The following TAS2R1 variants were observed in gnomAD, a reference collection of about 807,000 sequenced individuals.
The protein encoded by TAS2R1 is taste receptor type 2 member 1.
For missense variants in TAS2R1, 370 were observed against 353.4 expected, an observed-to-expected ratio of 1.05 and a Z score of -0.38; for synonymous variants, 141 against 134.2, an observed-to-expected ratio of 1.05 and a Z score of -0.35.
chr5:9,676,999 T>G lies in TAS2R1; in HGVS notation c.-241-17418A>C, dbSNP rs376343414. On this transcript the variant is annotated intron_variant, in intron 1 of 2. Coordinates refer to the TAS2R1 transcript ENST00000506620. ...TATTCATAATAGCAATCACATGGAA[T>G]CAACCTAAATGCCTATCAGTGATAG... 2.0e-5 allele frequency among the ~76,000 whole-genome samples: 3 copies of G among 152,146 alleles called. No individual in the cohort carries two copies. The East Asian group carries it at 5.8e-4, about 29-fold the overall frequency.
the TAS2R1 span, among the ~76,000 whole-genome samples, chr5:9,901,131 G>T: frequency 1.3e-5 from 2 of 151,954 alleles, no homozygotes; most frequent in African/African-American, 4.8e-5. Flanking sequence ...CACAGAGAAG[G>T]GTAGGCATCT....
the TAS2R1 span, among the ~76,000 whole-genome samples, chr5:9,832,014 C>A: frequency 6.6e-6 from 1 of 152,166 alleles, no homozygotes; most frequent in Admixed American, 6.5e-5. Context: ...TAGAAAAAGC[C>A]AACTAGCACC....
At chr5:9,747,320 C>T in the TAS2R1 span, among the ~76,000 whole-genome samples, 1 of 152,218 alleles carries the variant, frequency 6.6e-6, no homozygotes, top group East Asian at 1.9e-4. Flanking sequence ...TATACAGGAA[C>T]ACATGAGTGG....
intron 1 of TAS2R1, among the ~76,000 whole-genome samples, chr5:9,695,380 T>G (rs561343970): frequency 6.6e-6 from 1 of 152,138 alleles, no homozygotes; most frequent in Non-Finnish European, 1.5e-5. Flanking sequence ...ACATTTCTAT[T>G]TTTGGCCTGT....
chr5:9,649,666 C>A (rs1352545778), intron 2 of TAS2R1, among the ~76,000 whole-genome samples: 2 of 152,170 alleles, frequency 1.3e-5, no homozygotes, highest in Non-Finnish European at 2.9e-5. Context: ...GCAAATTGTT[C>A]TGGACCATGC....
At chr5:9,734,759 T>C in the TAS2R1 span, among the ~76,000 whole-genome samples, 2 of 151,986 alleles carry the variant, frequency 1.3e-5, no homozygotes, top group African/African-American at 4.8e-5. Flanking sequence ...CAGGCCACCT[T>C]ACTCCACAGG....
the TAS2R1 span, among the ~76,000 whole-genome samples, chr5:9,796,951 C>T: frequency 0.022 from 3,343 of 152,190 alleles, 46 homozygotes; most frequent in Non-Finnish European, 0.032. Flanking sequence ...TGTCCTTAGT[C>T]GGCAGACATT....
chr5:9,707,287 C>T (rs894577476), intron 1 of TAS2R1, among the ~76,000 whole-genome samples: 19 of 152,122 alleles, frequency 1.2e-4, no homozygotes, highest in African/African-American at 4.6e-4. Flanking sequence ...CCCAACTCCC[C>T]AGCACACCTC....
the TAS2R1 span, among the ~76,000 whole-genome samples, chr5:9,844,610 C>T: frequency 6.6e-6 from 1 of 152,162 alleles, no homozygotes; most frequent in African/African-American, 2.4e-5. Flanking sequence ...TATTTGGTTT[C>T]AGCACATCTC....
the TAS2R1 span, among the ~76,000 whole-genome samples, chr5:9,730,488 G>C: frequency 1.4e-4 from 21 of 152,214 alleles, no homozygotes; most frequent in Non-Finnish European, 2.4e-4. Flanking sequence ...CACCTGTGCA[G>C]GTGCCACACC....
chr5:9,684,668 C>T (rs925075318), intron 1 of TAS2R1, among the ~76,000 whole-genome samples: 6 of 152,084 alleles, frequency 3.9e-5, no homozygotes, highest in South Asian at 2.1e-4. Context: ...GGACTCAGCA[C>T]GCCACCACAC....
At chr5:9,714,559 T>C (rs1734768017), upstream of TAS2R1, among the ~76,000 whole-genome samples, 3 of 152,192 alleles carry the variant, frequency 2.0e-5, no homozygotes, top group African/African-American at 7.2e-5. Flanking sequence ...AGGAGGTCCA[T>C]AAAATTCTCT....
At chr5:9,634,276 T>G (rs533345376), upstream of TAS2R1, among the ~76,000 whole-genome samples, 2 of 152,118 alleles carry the variant, frequency 1.3e-5, no homozygotes, top group East Asian at 3.9e-4. Context: ...TTTCTGGGTT[T>G]GCTTTTTTGT....
chr5:9,882,345 T>G, the TAS2R1 span, among the ~76,000 whole-genome samples: 5 of 151,936 alleles, frequency 3.3e-5, no homozygotes, highest in South Asian at 1.0e-3. Context: ...AGTCAAGAAA[T>G]GGCTGGGCGC....
At chr5:9,668,601 T>C (rs2126500850) in intron 1 of TAS2R1, among the ~76,000 whole-genome samples, 2 of 152,292 alleles carry the variant, frequency 1.3e-5, no homozygotes, top group Middle Eastern at 3.4e-3. Flanking sequence ...ATTAGAGGCC[T>C]ACATTCAGCA....
intron 1 of TAS2R1, among the ~76,000 whole-genome samples, chr5:9,661,135 T>G (rs1289956064): frequency 6.6e-6 from 1 of 152,252 alleles, no homozygotes; most frequent in African/African-American, 2.4e-5. Context: ...TCATTTGTTA[T>G]GGCAGCAACA....
the TAS2R1 span, among the ~76,000 whole-genome samples, chr5:9,737,609 C>A: frequency 6.6e-6 from 1 of 152,118 alleles, no homozygotes; most frequent in Admixed American, 6.5e-5. Context: ...AGGTCAGGAA[C>A]AAGGAGAGCG....
intron 1 of TAS2R1, among the ~76,000 whole-genome samples, chr5:9,675,444 G>GTTTTTTTTT: frequency 7.1e-6 from 1 of 140,670 alleles, no homozygotes. Flanking sequence ...TTGAGATGGA[G>GTTTTTTTTT]TCTTGCTTTG....
chr5:9,753,873 T>C, the TAS2R1 span, among the ~76,000 whole-genome samples: 2 of 152,220 alleles, frequency 1.3e-5, no homozygotes, highest in East Asian at 1.9e-4. Flanking sequence ...TGCGGCATTA[T>C]TTCTGAGGGC....
Sources: gnomAD v4.1 joint callset for allele counts (sites outside exome capture counted in the v4.1 genomes callset) on GRCh38, gnomAD v4.1.1 for gene constraint, MANE v1.5 for transcripts, NCBI Gene and HGNC (gene_info 2026-07-23, HGNC 2026-07-21) for gene names.